The following ACER3 variants were observed in gnomAD, a reference collection of about 807,000 sequenced individuals.
ACER3 encodes the protein alkaline ceramidase 3.
In ACER3, 16 loss-of-function variants were observed where a neutral mutation model predicts 48.9. That is an observed-to-expected ratio of 0.33 (90% CI 0.22 to 0.50). ACER3 has a LOEUF of 0.50. Among genes scored for constraint, ACER3 ranks in the 20% least tolerant of loss-of-function variants. ACER3 has a pLI of 0.98. For missense variants in ACER3, 227 were observed against 326.0 expected, an observed-to-expected ratio of 0.70 and a Z score of 2.34; for synonymous variants, 109 against 107.8, an observed-to-expected ratio of 1.01 and a Z score of -0.07.
chr11:76,997,179 A>G (rs1948932295), intron 6 of ACER3, among the ~76,000 whole-genome samples: 1 of 152,138 alleles, frequency 6.6e-6, no homozygotes, highest in Admixed American at 6.5e-5. Context: ...AAGATATCAC[A>G]ATAATTCTCT....
At chr11:76,910,303 A>G (rs1390332931) in intron 1 of ACER3, among the ~76,000 whole-genome samples, 1 of 152,178 alleles carries the variant, frequency 6.6e-6, no homozygotes, top group African/African-American at 2.4e-5. Flanking sequence ...ATTTTCACAG[A>G]TAAGTTACTT....
chr11:76,944,598 T>C (rs1947428189), intron 2 of ACER3, among the ~76,000 whole-genome samples: 1 of 152,162 alleles, frequency 6.6e-6, no homozygotes, highest in Admixed American at 6.5e-5. Flanking sequence ...GTTTCCTTTA[T>C]ATTGACTAGA....
At position 77,020,373 on chromosome 11, in the gene ACER3, G is replaced by C; in HGVS notation, c.*46G>C. 1 of 1,586,380 alleles carries C rather than the reference G, an allele frequency of 6.3e-7. No individual in the cohort carries two copies. Among genetic ancestry groups the C allele is most frequent in the Non-Finnish European group, 8.6e-7 (1 of 1,160,256 alleles). ...ACAAACAAGCACCTACCATAGACCT[G>C]GCAGAATAAATAAGGAAATCCTTAA... is the stretch of plus-strand genomic sequence containing the variant. On this transcript the variant is annotated 3_prime_UTR_variant, in exon 11 of 11. Coordinates refer to ENST00000532485, the MANE Select transcript of ACER3 (RefSeq NM_018367.7).
At chr11:76,885,141 C>A (rs540285344) in intron 1 of ACER3, among the ~76,000 whole-genome samples, 27 of 152,122 alleles carry the variant, frequency 1.8e-4, no homozygotes, top group African/African-American at 6.3e-4. Flanking sequence ...GTTTTTTATT[C>A]TTTACTTACA....
chr11:76,907,614 T>C (rs1167557076), intron 1 of ACER3, among the ~76,000 whole-genome samples: 1 of 152,162 alleles, frequency 6.6e-6, no homozygotes, highest in Non-Finnish European at 1.5e-5. Flanking sequence ...CTCACACCTG[T>C]AATCCCAGTG....
chr11:76,863,777 G>T (rs1439407231), intron 1 of ACER3, among the ~76,000 whole-genome samples: 1 of 152,120 alleles, frequency 6.6e-6, no homozygotes, highest in Non-Finnish European at 1.5e-5. Flanking sequence ...ATTTCAAAAA[G>T]AAGGTATTAT....
intron 3 of ACER3, among the ~76,000 whole-genome samples, chr11:76,961,551 G>GAA (rs140205342): frequency 4.8e-5 from 6 of 123,934 alleles, no homozygotes; most frequent in African/African-American, 1.5e-4. Context: ...GGCTGGGGCA[G>GAA]AAAAAAAAAA....
At chr11:76,903,417 C>T (rs978265742) in intron 1 of ACER3, among the ~76,000 whole-genome samples, 5 of 151,974 alleles carry the variant, frequency 3.3e-5, no homozygotes, top group African/African-American at 1.2e-4. Context: ...AAATTGCCTT[C>T]AACTAAATGA....
chr11:76,873,775 T>C (rs377536157), intron 1 of ACER3, among the ~76,000 whole-genome samples: 4 of 152,106 alleles, frequency 2.6e-5, no homozygotes, highest in African/African-American at 9.7e-5. Context: ...GGAACAGTAA[T>C]TGTGGTGTGT....
intron 1 of ACER3, among the ~76,000 whole-genome samples, chr11:76,880,042 A>G (rs1945483656): frequency 6.6e-6 from 1 of 152,050 alleles, no homozygotes; most frequent in South Asian, 2.1e-4. Context: ...CTGTTCTTTC[A>G]TTCCTGAAAT....
chr11:76,934,233 G>A (rs899027008), intron 2 of ACER3, among the ~76,000 whole-genome samples: 15 of 150,576 alleles, frequency 1.0e-4, no homozygotes, highest in Non-Finnish European at 1.9e-4. Flanking sequence ...GGCTCCTCAC[G>A]TCCTAGACGA....
chr11:76,972,053 T>C (rs1431417001), intron 3 of ACER3, among the ~76,000 whole-genome samples: 3 of 152,256 alleles, frequency 2.0e-5, no homozygotes, highest in Non-Finnish European at 4.4e-5. Context: ...TCCTGAAATA[T>C]ATCAAAGAAA....
At chr11:76,958,469 G>A (rs1020861307) in intron 2 of ACER3, among the ~76,000 whole-genome samples, 1 of 152,150 alleles carries the variant, frequency 6.6e-6, no homozygotes, top group Non-Finnish European at 1.5e-5. Flanking sequence ...TTACAGGCGC[G>A]AGCCACTGTG....
intron 3 of ACER3, among the ~76,000 whole-genome samples, chr11:76,964,487 T>G (rs1382230210): frequency 6.6e-6 from 1 of 150,412 alleles, no homozygotes; most frequent in Non-Finnish European, 1.5e-5. Flanking sequence ...GCATGAAGCT[T>G]GAGATCTGAG....
intron 5 of ACER3, among the ~76,000 whole-genome samples, chr11:76,989,321 T>G (rs1268172148): frequency 2.0e-5 from 3 of 151,792 alleles, no homozygotes; most frequent in Non-Finnish European, 4.4e-5. Flanking sequence ...ATATAAAATT[T>G]TATGGGATTG....
At chr11:76,964,691 C>A (rs1162576998) in intron 3 of ACER3, among the ~76,000 whole-genome samples, 1 of 151,268 alleles carries the variant, frequency 6.6e-6, no homozygotes, top group East Asian at 1.9e-4. Context: ...CTGCTGATAC[C>A]CAGGCAAACA....
chr11:76,972,093 C>A (rs1948321639), intron 3 of ACER3, among the ~76,000 whole-genome samples: 1 of 152,090 alleles, frequency 6.6e-6, no homozygotes, highest in South Asian at 2.1e-4. Context: ...TTTTTAGTTT[C>A]CCTCATTGTG....
At chr11:76,946,872 C>T (rs1245340141) in intron 2 of ACER3, among the ~76,000 whole-genome samples, 1 of 152,164 alleles carries the variant, frequency 6.6e-6, no homozygotes, top group East Asian at 1.9e-4. Flanking sequence ...CTGTGTCAGG[C>T]CTGAGGCCCG....
chr11:76,927,837 C>T (rs753984166), intron 2 of ACER3, among the ~76,000 whole-genome samples: 3 of 152,102 alleles, frequency 2.0e-5, no homozygotes, highest in Non-Finnish European at 4.4e-5. Context: ...ATATGTGCCA[C>T]GTTTTCTTAA....
Sources: gnomAD v4.1 joint callset for allele counts (sites outside exome capture counted in the v4.1 genomes callset) on GRCh38, gnomAD v4.1.1 for gene constraint, MANE v1.5 for transcripts, NCBI Gene and HGNC (gene_info 2026-07-23, HGNC 2026-07-21) for gene names.